PTCHD1: variants seen among roughly 807,000 people sequenced by gnomAD.
PTCHD1 encodes the protein patched domain-containing protein 1.
In PTCHD1, 3 loss-of-function variants were observed where a neutral mutation model predicts 34.6. The observed-to-expected ratio is 0.09, with a 90% CI of 0.04 to 0.22. The LOEUF is 0.22. Among genes scored for constraint, PTCHD1 ranks in the 10% least tolerant of loss-of-function variants. The pLI, the probability that PTCHD1 is intolerant of heterozygous loss-of-function variation, is 1.00. For synonymous variants in PTCHD1, 305 were observed against 283.1 expected (o/e 1.08, Z -0.77); for missense variants, 504 against 685.5 (o/e 0.74, Z 2.96).
intron 1 of PTCHD1, among the ~76,000 whole-genome samples, chrX:23,351,903 TAAA>T (rs775035872): frequency 1.9e-3 from 209 of 111,974 alleles, no homozygotes; most frequent in African/African-American, 6.7e-3. Context: ...AAGGGTTTAT[TAAA>T]GAAGGGGAGA....
rs753508218 is a variant in PTCHD1 at position 23,376,420 on chromosome X, C to CT, written c.352-3167dup. Among the ~76,000 whole-genome samples, 81 of 112,433 alleles carry CT rather than the reference C, an allele frequency of 7.2e-4. No individual in the cohort carries two copies. In the East Asian group the frequency reaches 0.013, roughly 18 times the overall value. On this transcript the variant is annotated intron_variant, in intron 1 of 2. Transcript: ENST00000379361. ...AAGCATAGCTTCAAACCCTGGCTTT[C>CT]TTTTCCCTCTGTGAATATATCTGGT... is the stretch of plus-strand genomic sequence containing the variant.
intron 2 of PTCHD1, among the ~76,000 whole-genome samples, chrX:23,387,390 A>C (rs1922709783): frequency 9.0e-6 from 1 of 110,829 alleles, no homozygotes; most frequent in Non-Finnish European, 1.9e-5. Context: ...TAGCCAGTTG[A>C]ATTTTTTTTT....
At chrX:23,346,749 G>C in intron 1 of PTCHD1, among the ~76,000 whole-genome samples, 1 of 111,911 alleles carries the variant, frequency 8.9e-6, no homozygotes, top group Middle Eastern at 4.6e-3. Flanking sequence ...TGTCCACAGG[G>C]AGGACCCTGG....
intron 2 of PTCHD1, 119 bp from the exon 3 acceptor site, chrX:23,392,412 G>T (rs1166207940): frequency 1.9e-6 from 1 of 531,864 alleles, no homozygotes; most frequent in Non-Finnish European, 3.3e-6. Flanking sequence ...TTACATACCC[G>T]TCACCACTAG....
intron 1 of PTCHD1, among the ~76,000 whole-genome samples, chrX:23,365,145 T>G (rs1922106159): frequency 8.9e-6 from 1 of 111,877 alleles, no homozygotes. Context: ...GTGAACTTGT[T>G]TGGGCCACTT....
chrX:23,358,841 G>T (rs773690548), intron 1 of PTCHD1, among the ~76,000 whole-genome samples: 1 of 112,153 alleles, frequency 8.9e-6, no homozygotes, highest in African/African-American at 3.2e-5. Flanking sequence ...GTAAGGAAGG[G>T]ATCCAGTTTC....
intron 1 of PTCHD1, among the ~76,000 whole-genome samples, chrX:23,358,318 CTGT>C (rs778368642): frequency 8.9e-6 from 1 of 111,965 alleles, no homozygotes; most frequent in African/African-American, 3.2e-5. Context: ...TCTCCAGCAC[CTGT>C]TGTTTTCTGA....
At chrX:23,340,904 C>G (rs182477080) in intron 1 of PTCHD1, among the ~76,000 whole-genome samples, 1 of 112,305 alleles carries the variant, frequency 8.9e-6, no homozygotes, top group East Asian at 2.8e-4. Flanking sequence ...TTGACTTTTA[C>G]TCTTTATTTT....
intron 1 of PTCHD1, among the ~76,000 whole-genome samples, chrX:23,361,743 A>C (rs1427821490): frequency 1.8e-5 from 2 of 112,029 alleles, no homozygotes; most frequent in Non-Finnish European, 3.8e-5. Flanking sequence ...TCTTCCTAGC[A>C]TTGATGGTCT....
chrX:23,392,074 C>CTTTTTTTTTTT (rs763041195), intron 2 of PTCHD1, among the ~76,000 whole-genome samples: 587 of 52,318 alleles, frequency 0.011, 113 homozygotes, highest in African/African-American at 0.058. Context: ...TTCTTTCTTT[C>CTTTTTTTTTTT]TTTTTTTTTT....
At chrX:23,354,707 C>T (rs73469309) in intron 1 of PTCHD1, among the ~76,000 whole-genome samples, 3 of 106,352 alleles carry the variant, frequency 2.8e-5, no homozygotes, top group Non-Finnish European at 5.8e-5. Flanking sequence ...CGAGTAGCTG[C>T]GACTACAGGC....
chrX:23,363,636 C>T (rs953738270), intron 1 of PTCHD1, among the ~76,000 whole-genome samples: 4 of 112,820 alleles, frequency 3.5e-5, no homozygotes, highest in Admixed American at 9.3e-5. Flanking sequence ...CGCCCTGCTT[C>T]GGCTCACCCT....
chrX:23,381,009 G>T (rs1168489713), intron 2 of PTCHD1, among the ~76,000 whole-genome samples: 1 of 111,969 alleles, frequency 8.9e-6, no homozygotes, highest in Non-Finnish European at 1.9e-5. Flanking sequence ...CACTGAGAGC[G>T]CCTGCTACTC....
intron 1 of PTCHD1, among the ~76,000 whole-genome samples, chrX:23,355,348 CTT>C (rs1050279868): frequency 2.7e-5 from 3 of 112,586 alleles, no homozygotes; most frequent in Non-Finnish European, 5.6e-5. Context: ...TGGGGTCTCT[CTT>C]TATAAAATTG....
At chrX:23,345,085 CTG>C (rs1484168278) in intron 1 of PTCHD1, among the ~76,000 whole-genome samples, 20 of 111,893 alleles carry the variant, frequency 1.8e-4, no homozygotes, top group African/African-American at 6.5e-4. Flanking sequence ...ATTTTGCAGA[CTG>C]TGAATTTTGA....
intron 1 of PTCHD1, among the ~76,000 whole-genome samples, chrX:23,360,202 G>C (rs770051008): frequency 8.9e-6 from 1 of 111,948 alleles, no homozygotes; most frequent in African/African-American, 3.2e-5. Context: ...TCATTGACTG[G>C]AATAGTTTCA....
chrX:23,382,344 C>G (rs1051987960), intron 2 of PTCHD1, among the ~76,000 whole-genome samples: 1 of 112,456 alleles, frequency 8.9e-6, no homozygotes, highest in Non-Finnish European at 1.9e-5. Context: ...TTGTAATATT[C>G]AAAACTTCTT....
At chrX:23,377,111 T>C (rs1462575603) in intron 1 of PTCHD1, among the ~76,000 whole-genome samples, 2 of 112,165 alleles carry the variant, frequency 1.8e-5, no homozygotes, top group Admixed American at 1.9e-4. Context: ...ATGGAAAATA[T>C]CCCCTTGCTA....
intron 1 of PTCHD1, among the ~76,000 whole-genome samples, chrX:23,363,185 C>T (rs1413893923): frequency 8.9e-6 from 1 of 112,629 alleles, no homozygotes. Flanking sequence ...CTCTTCAGAG[C>T]TGTCAGTCAG....
Sources: allele counts gnomAD v4.1 joint callset (sites outside exome capture counted in the v4.1 genomes callset), GRCh38; gene constraint gnomAD v4.1.1; transcripts MANE v1.5; gene names NCBI Gene and HGNC (gene_info 2026-07-23, HGNC 2026-07-21).